The following PCGF6 variants were observed in gnomAD, a reference collection of about 807,000 sequenced individuals.
The protein encoded by PCGF6 is polycomb group ring finger 6.
Under a neutral mutation model 45.5 loss-of-function variants are expected in PCGF6, and 24 were observed. The ratio of observed to expected loss-of-function variants is 0.53; its 90% CI spans 0.38 to 0.74. The LOEUF is 0.74. Ranked by LOEUF, PCGF6 falls within the 30% of genes least tolerant of loss-of-function variation. PCGF6 has a pLI of 0.00. For missense variants in PCGF6, 356 were observed against 443.2 expected (o/e 0.80, Z 1.77); for synonymous variants, 152 against 162.1 (o/e 0.94, Z 0.47).
intron 9 of PCGF6, among the ~76,000 whole-genome samples, chr10:103,309,746 A>G (rs1213079579): frequency 6.6e-6 from 1 of 152,010 alleles, no homozygotes; most frequent in Non-Finnish European, 1.5e-5. Flanking sequence ...CCTGGGCAAC[A>G]TGGCAAAACC....
chr10:103,306,264 A>G (rs902339502), intron 9 of PCGF6, among the ~76,000 whole-genome samples: 12 of 151,852 alleles, frequency 7.9e-5, no homozygotes, highest in African/African-American at 2.9e-4. Flanking sequence ...CCCACCGCTA[A>G]TTTTTGTATT....
At chr10:103,340,184 A>G (rs1253678045) in intron 6 of PCGF6, among the ~76,000 whole-genome samples, 2 of 30,806 alleles carry the variant, frequency 6.5e-5, no homozygotes, top group African/African-American at 7.5e-5. Flanking sequence ...CTCAGGGAAA[A>G]AAAAAAAAAA....
chr10:103,308,882 A>C (rs1386984024), intron 9 of PCGF6, among the ~76,000 whole-genome samples: 1 of 152,074 alleles, frequency 6.6e-6, no homozygotes, highest in African/African-American at 2.4e-5. Context: ...CTCAAAAAAT[A>C]AATAAATAAA....
chr10:103,316,661 T>C (rs1027730187), intron 8 of PCGF6, among the ~76,000 whole-genome samples: 5 of 152,146 alleles, frequency 3.3e-5, no homozygotes, highest in African/African-American at 7.2e-5. Context: ...AAATAATAAA[T>C]GCCTCAGGCT....
intron 8 of PCGF6, among the ~76,000 whole-genome samples, chr10:103,316,250 C>T (rs1348398523): frequency 6.6e-6 from 1 of 152,100 alleles, no homozygotes; most frequent in Non-Finnish European, 1.5e-5. Context: ...TGCCCATAGA[C>T]TTAAACCACT....
chr10:103,342,378 C>A (rs894829495), intron 6 of PCGF6, among the ~76,000 whole-genome samples: 11 of 152,008 alleles, frequency 7.2e-5, no homozygotes, highest in African/African-American at 2.7e-4. Flanking sequence ...GGACTACAGG[C>A]ACCTGCCACA....
intron 9 of PCGF6, among the ~76,000 whole-genome samples, chr10:103,313,866 G>T (rs1201522109): frequency 6.6e-6 from 1 of 152,172 alleles, no homozygotes; most frequent in Admixed American, 6.5e-5. Flanking sequence ...ACTGCCTAGA[G>T]TCTGAGCCCT....
intron 6 of PCGF6, among the ~76,000 whole-genome samples, chr10:103,334,286 T>C (rs1271175268): frequency 1.3e-5 from 2 of 152,136 alleles, no homozygotes; most frequent in African/African-American, 2.4e-5. Flanking sequence ...TGTATATCTA[T>C]AGGTTTTGAT....
intron 7 of PCGF6, among the ~76,000 whole-genome samples, chr10:103,331,957 T>C (rs1296650415): frequency 6.6e-6 from 1 of 151,890 alleles, no homozygotes; most frequent in African/African-American, 2.4e-5. Context: ...CGCGCCTGGC[T>C]AATTTTTTTT....
At chr10:103,344,380 T>G (rs375140167) in intron 6 of PCGF6, among the ~76,000 whole-genome samples, 2 of 151,956 alleles carry the variant, frequency 1.3e-5, no homozygotes, top group African/African-American at 4.8e-5. Flanking sequence ...CAAGTGATTC[T>G]CCTGCCTCAG....
intron 9 of PCGF6, among the ~76,000 whole-genome samples, chr10:103,312,956 G>A (rs944793722): frequency 5.8e-5 from 8 of 136,972 alleles, no homozygotes; most frequent in African/African-American, 2.0e-4. Context: ...GCGAGACTCC[G>A]TCTCAAAAAC....
At position 103,314,183 on chromosome 10, in the gene PCGF6, T is replaced by C. The variant is rs777074820; in HGVS notation, c.996+3A>G. ...GTTAGACATGGGTATGTCTATAACC[T>C]ACCTGCATTGCTGCATCACCTATTG... On this transcript the variant is annotated splice_donor_region_variant and intron_variant, in intron 9 of 9. Transcript: ENST00000369847. The C allele has an allele frequency of 3.8e-6, 6 of 1,588,044 alleles. No individual in the cohort carries two copies. Among genetic ancestry groups the C allele is most frequent in the Non-Finnish European group, 4.3e-6 (5 of 1,159,700 alleles).
intron 8 of PCGF6, among the ~76,000 whole-genome samples, chr10:103,315,654 C>T (rs369050456): frequency 1.2e-4 from 18 of 152,186 alleles, no homozygotes; most frequent in East Asian, 5.8e-4. Context: ...CCACCGTGCC[C>T]GGCCAATTGT....
intron 7 of PCGF6, among the ~76,000 whole-genome samples, chr10:103,333,373 T>C (rs139134128): frequency 2.8e-4 from 42 of 152,186 alleles, no homozygotes; most frequent in Non-Finnish European, 4.6e-4. Context: ...CTATTCCTTG[T>C]ATATTTACCT....
intron 8 of PCGF6, among the ~76,000 whole-genome samples, chr10:103,325,015 T>C (rs529246030): frequency 6.7e-6 from 1 of 149,032 alleles, no homozygotes; most frequent in African/African-American, 2.5e-5. Flanking sequence ...CTGCCTGTAA[T>C]CCCAGCTACT....
intron 9 of PCGF6, among the ~76,000 whole-genome samples, chr10:103,311,080 C>T (rs76695159): frequency 0.1 from 15,826 of 152,248 alleles, 823 homozygotes; most frequent in Middle Eastern, 0.15. Flanking sequence ...AAATGATCCT[C>T]CCATCTTGGC....
chr10:103,336,835 A>G (rs922980515), intron 6 of PCGF6, among the ~76,000 whole-genome samples: 4 of 152,200 alleles, frequency 2.6e-5, no homozygotes, highest in African/African-American at 9.6e-5. Flanking sequence ...AGGTCGTGCC[A>G]CTGCACTCCA....
At chr10:103,337,421 A>C (rs2093260994) in intron 6 of PCGF6, among the ~76,000 whole-genome samples, 1 of 152,166 alleles carries the variant, frequency 6.6e-6, no homozygotes, top group Non-Finnish European at 1.5e-5. Context: ...TGATTCTTAC[A>C]ACAATCCTTT....
chr10:103,304,001 C>G (rs370360147), intron 9 of PCGF6, 40 bp from the exon 10 acceptor site: 79 of 1,536,432 alleles, frequency 5.1e-5, no homozygotes, highest in Non-Finnish European at 6.7e-5. Flanking sequence ...GCAGTTCTTT[C>G]AAACCAGTAA....
Sources: allele counts gnomAD v4.1 joint callset (sites outside exome capture counted in the v4.1 genomes callset), GRCh38; gene constraint gnomAD v4.1.1; transcripts MANE v1.5; gene names NCBI Gene and HGNC (gene_info 2026-07-23, HGNC 2026-07-21).